The following SEMA6D variants were observed in gnomAD, a reference collection of about 807,000 sequenced individuals.
SEMA6D encodes semaphorin 6D.
A neutral mutation model predicts 106.6 loss-of-function variants in SEMA6D; 35 were observed. The observed-to-expected ratio is 0.33, with a 90% CI of 0.25 to 0.44. The LOEUF (loss-of-function observed/expected upper bound fraction) is 0.44, where lower values mean the gene tolerates loss of function less well. SEMA6D is among the 20% of genes least tolerant of loss of function. The pLI is 1.00. For missense variants in SEMA6D, 1,185 were observed against 1,345.9 expected (o/e 0.88, Z 1.87); for synonymous variants, 499 against 487.7 (o/e 1.02, Z -0.31).
At chr15:47,763,416 C>G (rs542945504) in intron 9 of SEMA6D, among the ~76,000 whole-genome samples, 1 of 152,126 alleles carries the variant, frequency 6.6e-6, no homozygotes, top group Non-Finnish European at 1.5e-5. Context: ...CACTGATAGT[C>G]TATTCTTTCT....
intron 3 of SEMA6D, among the ~76,000 whole-genome samples, chr15:47,552,525 TACACACACACACACACAC>T (rs144968308): frequency 7.7e-6 from 1 of 130,066 alleles, no homozygotes; most frequent in African/African-American, 2.8e-5. Context: ...TATATATGTA[TACACACACACACACACAC>T]ACACACACAC....
chr15:47,354,950 G>A (rs1356920747), intron 1 of SEMA6D, among the ~76,000 whole-genome samples: 3 of 152,214 alleles, frequency 2.0e-5, no homozygotes, highest in Admixed American at 6.5e-5. Flanking sequence ...TTCATCAGAT[G>A]TGTTATGTAG....
Position 47,593,405 on chromosome 15 carries a change from C to CAA in SEMA6D, c.-86-7431_-86-7430dup, listed in dbSNP as rs35561269. Among the ~76,000 whole-genome samples the CAA allele has an allele frequency of 1.3e-4, 8 of 59,930 alleles. 1 individual carries two copies. Among genetic ancestry groups the CAA allele is most frequent in the African/African-American group, 4.7e-4 (7 of 15,050 alleles). The allele number at this position is 59,930 out of a possible 152,430, so 39.3% of individuals were successfully genotyped here. On this transcript the variant is annotated intron_variant, in intron 3 of 19. Coordinates refer to the SEMA6D transcript ENST00000558014. ...TGGGCGACAGAGCGAAACTCCGTCT[C>CAA]AAAAAAAAAAAAAAAAAAAAAAAAA... is the stretch of plus-strand genomic sequence containing the variant.
intron 4 of SEMA6D, among the ~76,000 whole-genome samples, chr15:47,625,740 A>G (rs1413669324): frequency 6.6e-6 from 1 of 151,738 alleles, no homozygotes; most frequent in Non-Finnish European, 1.5e-5. Context: ...AAAAGAAAAT[A>G]TGCACAACAA....
intron 1 of SEMA6D, among the ~76,000 whole-genome samples, chr15:47,749,949 A>G (rs76739): frequency 0.3 from 46,239 of 152,064 alleles, 8,646 homozygotes; most frequent in Middle Eastern, 0.42. Flanking sequence ...ATCTGATGGA[A>G]TGACCACTGA....
chr15:47,497,733 C>T (rs2043714437), intron 3 of SEMA6D, among the ~76,000 whole-genome samples: 1 of 152,086 alleles, frequency 6.6e-6, no homozygotes, highest in South Asian at 2.1e-4. Flanking sequence ...CCCAAATCCA[C>T]CTTCTGCTAT....
intron 4 of SEMA6D, among the ~76,000 whole-genome samples, chr15:47,647,168 A>G (rs1245446157): frequency 6.6e-6 from 1 of 152,234 alleles, no homozygotes; most frequent in Admixed American, 6.5e-5. Context: ...TTTTCCTATG[A>G]GAGCAACATT....
intron 1 of SEMA6D, among the ~76,000 whole-genome samples, chr15:47,301,665 A>C (rs544619827): frequency 1.3e-5 from 2 of 152,318 alleles, no homozygotes; most frequent in Admixed American, 1.3e-4. Flanking sequence ...CTTTCTCTGC[A>C]CTGACAGCTG....
chr15:47,540,031 CTT>C (rs901941186), intron 3 of SEMA6D, among the ~76,000 whole-genome samples: 73 of 141,026 alleles, frequency 5.2e-4, no homozygotes, highest in Non-Finnish European at 5.7e-4. Flanking sequence ...ATTTGAAAGA[CTT>C]TTATATTTAG....
At chr15:47,286,453 CAT>C (rs949934389) in intron 1 of SEMA6D, among the ~76,000 whole-genome samples, 10 of 152,218 alleles carry the variant, frequency 6.6e-5, no homozygotes, top group African/African-American at 2.2e-4. Context: ...TTAATATAAA[CAT>C]ATGTAATGTA....
At chr15:47,234,907 C>A (rs2141642162) in intron 1 of SEMA6D, among the ~76,000 whole-genome samples, 1 of 152,110 alleles carries the variant, frequency 6.6e-6, no homozygotes, top group African/African-American at 2.4e-5. Flanking sequence ...ACTTTTAGTT[C>A]TTTGAGAAAA....
chr15:47,299,721 A>G (rs1230057264), intron 1 of SEMA6D, among the ~76,000 whole-genome samples: 1 of 152,214 alleles, frequency 6.6e-6, no homozygotes, highest in African/African-American at 2.4e-5. Context: ...AGTAACCTAC[A>G]TCCATCAAAA....
chr15:47,652,028 T>C (rs551463519), intron 4 of SEMA6D, among the ~76,000 whole-genome samples: 1 of 152,254 alleles, frequency 6.6e-6, no homozygotes, highest in Non-Finnish European at 1.5e-5. Context: ...GATCTCATCC[T>C]ACTCTTAGTA....
intron 4 of SEMA6D, among the ~76,000 whole-genome samples, chr15:47,614,815 A>G (rs1460476857): frequency 6.6e-6 from 1 of 152,224 alleles, no homozygotes. Flanking sequence ...TGTGACAGTG[A>G]CAATTTACTT....
At chr15:47,760,490 A>G in intron 3 of SEMA6D, 75 bp downstream of exon 3, 2 of 1,113,462 alleles carry the variant, frequency 1.8e-6, no homozygotes, top group Non-Finnish European at 2.6e-6. Flanking sequence ...TGTCTAGTTC[A>G]TGAAAAACTA....
chr15:47,431,680 G>A (rs935768918), intron 2 of SEMA6D, among the ~76,000 whole-genome samples: 4 of 152,060 alleles, frequency 2.6e-5, no homozygotes, highest in African/African-American at 9.7e-5. Flanking sequence ...AATCAGGCTG[G>A]TCCCAATTCC....
intron 1 of SEMA6D, among the ~76,000 whole-genome samples, chr15:47,246,871 G>A (rs962383): frequency 0.98 from 148,668 of 152,252 alleles, 72,690 homozygotes; most frequent in Middle Eastern, 1. Context: ...GGATTTCCTC[G>A]TGAGGCACAT....
intron 3 of SEMA6D, among the ~76,000 whole-genome samples, chr15:47,491,259 A>G (rs1425329885): frequency 1.3e-5 from 2 of 152,180 alleles, no homozygotes; most frequent in Non-Finnish European, 2.9e-5. Context: ...ATGATAAGAC[A>G]CTTTGACAAG....
chr15:47,213,010 C>T (rs1270458676), intron 1 of SEMA6D, among the ~76,000 whole-genome samples: 1 of 152,100 alleles, frequency 6.6e-6, no homozygotes, highest in Non-Finnish European at 1.5e-5. Flanking sequence ...TTTTGGAACC[C>T]GCATAAGGGA....
Sources: allele counts gnomAD v4.1 joint callset (sites outside exome capture counted in the v4.1 genomes callset), GRCh38; gene constraint gnomAD v4.1.1; transcripts MANE v1.5; gene names NCBI Gene and HGNC (gene_info 2026-07-23, HGNC 2026-07-21).